Variants in SDK1 observed in about 807,000 individuals in gnomAD.
SDK1 encodes sidekick cell adhesion molecule 1, also known as protein sidekick-1.
In SDK1, 157 loss-of-function variants were observed where a neutral mutation model predicts 245.5. That is an observed-to-expected ratio of 0.64 (90% CI 0.56 to 0.73). SDK1 has a LOEUF of 0.73. Among genes scored for constraint, SDK1 ranks in the 30% least tolerant of loss-of-function variants. The probability of loss-of-function intolerance (pLI) is 0.00; values close to 1 mark genes in which losing one functional copy is unlikely to be tolerated. For synonymous variants in SDK1, 1,647 were observed against 1,278.5 expected (o/e 1.29, Z -6.15); for missense variants, 3,583 against 3,002.3 (o/e 1.19, Z -4.52).
At chr7:3,725,893 A>G (rs778138256) in intron 4 of SDK1, among the ~76,000 whole-genome samples, 55 of 152,376 alleles carry the variant, frequency 3.6e-4, no homozygotes, top group South Asian at 6.2e-4. Flanking sequence ...TGAACAGTCA[A>G]TTGATTCTGG....
chr7:3,451,343 C>G (rs528062523), intron 1 of SDK1, among the ~76,000 whole-genome samples: 2 of 152,090 alleles, frequency 1.3e-5, no homozygotes, highest in South Asian at 4.2e-4. Context: ...AAGGCACAGG[C>G]AAGTTTGAGG....
chr7:4,046,408 G>A (rs7779616), intron 17 of SDK1, among the ~76,000 whole-genome samples: 35,903 of 151,900 alleles, frequency 0.24, 5,906 homozygotes, highest in African/African-American at 0.48. Flanking sequence ...TGTCATAACT[G>A]TTTTTTCCTA....
At chr7:4,144,136 G>T (rs1410757731) in intron 28 of SDK1, among the ~76,000 whole-genome samples, 1 of 151,674 alleles carries the variant, frequency 6.6e-6, no homozygotes, top group South Asian at 2.1e-4. Flanking sequence ...GGAAGGGGAG[G>T]CGTGGGGGAA....
At chr7:4,180,532 T>G in intron 35 of SDK1, among the ~76,000 whole-genome samples, 1 of 152,128 alleles carries the variant, frequency 6.6e-6, no homozygotes, top group South Asian at 2.1e-4. Flanking sequence ...AGCACCCGGC[T>G]CCAGCTCTAT....
intron 25 of SDK1, among the ~76,000 whole-genome samples, chr7:4,125,193 G>A (rs1215701007): frequency 1.5e-5 from 2 of 135,312 alleles, no homozygotes; most frequent in African/African-American, 7.0e-5. Flanking sequence ...GATGGGTGAT[G>A]GATGGATGGA....
intron 14 of SDK1, among the ~76,000 whole-genome samples, chr7:3,990,577 G>A (rs1784225412): frequency 6.6e-6 from 1 of 152,178 alleles, no homozygotes; most frequent in Non-Finnish European, 1.5e-5. Context: ...TGGGACAGGG[G>A]AGAGCTCGTG....
intron 4 of SDK1, chr7:3,642,879 G>C (rs2128652534): frequency 6.6e-6 from 1 of 152,350 alleles, no homozygotes; most frequent in East Asian, 1.9e-4. Flanking sequence ...GCTTAGGCCA[G>C]AAGTCAGATA....
chr7:4,100,203 A>T (rs1782443495), intron 22 of SDK1, among the ~76,000 whole-genome samples: 1 of 152,156 alleles, frequency 6.6e-6, no homozygotes. Context: ...GAGGGATCAG[A>T]TCTGATGGGA....
At chr7:3,987,761 C>A (rs184080294) in intron 14 of SDK1, among the ~76,000 whole-genome samples, 1 of 152,282 alleles carries the variant, frequency 6.6e-6, no homozygotes, top group Non-Finnish European at 1.5e-5. Context: ...CCTTCCAGGA[C>A]CCCTCTGCCC....
At chr7:3,682,114 A>G (rs1323758035) in intron 4 of SDK1, among the ~76,000 whole-genome samples, 1 of 152,248 alleles carries the variant, frequency 6.6e-6, no homozygotes, top group African/African-American at 2.4e-5. Flanking sequence ...AGTGAAGATT[A>G]TGATGCTAAA....
intron 4 of SDK1, among the ~76,000 whole-genome samples, chr7:3,676,921 TA>T (rs1783920977): frequency 6.6e-6 from 1 of 152,222 alleles, no homozygotes; most frequent in African/African-American, 2.4e-5. Flanking sequence ...CCTTGTAGTA[TA>T]GTTTGAAGTT....
chr7:3,663,145 G>A lies in SDK1; in HGVS notation c.713+21040G>A, dbSNP rs964208. Among the ~76,000 whole-genome samples the A allele has an allele frequency of 8.8e-3, 1,341 of 152,228 alleles. 20 individuals carry two copies. Among genetic ancestry groups the A allele is most frequent in the African/African-American group, 0.03 (1,264 of 41,534 alleles). On this transcript the variant is annotated intron_variant, in intron 4 of 44. Coordinates refer to ENST00000404826, the MANE Select transcript of SDK1 (RefSeq NM_152744.4). ...AAACAAAATCTGTTTTCAATGGTAA[G>A]CAGAAAAATTGTTGAAACATCTGTT... is the stretch of plus-strand genomic sequence containing the variant.
chr7:3,550,835 T>C (rs757989463), intron 1 of SDK1, among the ~76,000 whole-genome samples: 2 of 152,182 alleles, frequency 1.3e-5, no homozygotes, highest in Non-Finnish European at 2.9e-5. Flanking sequence ...TTCTAGAAAA[T>C]GTTTTTACTG....
At chr7:3,567,468 G>A (rs1332014890) in intron 1 of SDK1, among the ~76,000 whole-genome samples, 2 of 152,220 alleles carry the variant, frequency 1.3e-5, no homozygotes, top group Non-Finnish European at 2.9e-5. Context: ...GCTACTATGT[G>A]TCTTGACGTT....
intron 38 of SDK1, among the ~76,000 whole-genome samples, chr7:4,218,103 C>T (rs1784932906): frequency 6.6e-6 from 1 of 152,120 alleles, no homozygotes; most frequent in South Asian, 2.1e-4. Flanking sequence ...GAGGGTCACC[C>T]AAAAGTAGCC....
chr7:3,800,924 G>A (rs532061709), intron 4 of SDK1, among the ~76,000 whole-genome samples: 9 of 152,128 alleles, frequency 5.9e-5, no homozygotes, highest in South Asian at 2.1e-4. Context: ...ACAGTTCTTG[G>A]TTCTAGTTGA....
chr7:3,861,559 C>T (rs10085400), intron 5 of SDK1, among the ~76,000 whole-genome samples: 2 of 151,882 alleles, frequency 1.3e-5, no homozygotes, highest in Non-Finnish European at 2.9e-5. Flanking sequence ...GGAGAAAGCA[C>T]GACTCATTTC....
intron 22 of SDK1, among the ~76,000 whole-genome samples, chr7:4,101,179 C>G (rs1319311180): frequency 6.8e-6 from 1 of 148,032 alleles, no homozygotes; most frequent in Non-Finnish European, 1.5e-5. Context: ...GACGGAGTCT[C>G]GCTCTGTCAC....
chr7:3,471,554 A>G (rs1445240835), intron 1 of SDK1, among the ~76,000 whole-genome samples: 1 of 152,164 alleles, frequency 6.6e-6, no homozygotes, highest in African/African-American at 2.4e-5. Context: ...TCGATTCTTC[A>G]CACCATTTAG....
Sources: allele counts gnomAD v4.1 joint callset (sites outside exome capture counted in the v4.1 genomes callset), GRCh38; gene constraint gnomAD v4.1.1; transcripts MANE v1.5; gene names NCBI Gene and HGNC (gene_info 2026-07-23, HGNC 2026-07-21).